SIN3B: variants seen among roughly 807,000 people sequenced by gnomAD.
SIN3B encodes paired amphipathic helix protein Sin3b.
SIN3B carries 19 observed loss-of-function variants against 120.2 expected under a neutral mutation model. The observed-to-expected ratio is 0.16, with a 90% CI of 0.11 to 0.23. The LOEUF is 0.23. Among genes scored for constraint, SIN3B ranks in the 10% least tolerant of loss-of-function variants. The pLI is 1.00. For synonymous variants in SIN3B, 654 were observed against 653.2 expected (o/e 1.00, Z -0.02); for missense variants, 1,073 against 1,573.0 (o/e 0.68, Z 5.38).
intron 3 of SIN3B, among the ~76,000 whole-genome samples, chr19:16,841,048 G>T (rs1056264711): frequency 2.6e-5 from 4 of 152,202 alleles, no homozygotes; most frequent in Non-Finnish European, 4.4e-5. Context: ...GGATGGTGCA[G>T]CATAATTCTG....
At chr19:16,864,861 G>A (rs1971742233) in intron 10 of SIN3B, among the ~76,000 whole-genome samples, 1 of 149,294 alleles carries the variant, frequency 6.7e-6, no homozygotes, top group Non-Finnish European at 1.5e-5. Context: ...TTGAGACAGA[G>A]TTTCACTCTG....
intron 4 of SIN3B, 22 bp downstream of exon 4, chr19:16,841,990 C>G (rs899854736): frequency 1.3e-6 from 2 of 1,595,532 alleles, no homozygotes; most frequent in Non-Finnish European, 1.7e-6. Flanking sequence ...GATTACAATT[C>G]CTTGTGGGTT....
chr19:16,863,625 A>C (rs190417952), intron 9 of SIN3B, 55 bp from the exon 10 acceptor site: 2 of 1,129,624 alleles, frequency 1.8e-6, no homozygotes, highest in Admixed American at 3.4e-5. Flanking sequence ...GGCTAACAGT[A>C]AATCTTGGCT....
At chr19:16,848,782 TG>T (rs1971510111) in intron 5 of SIN3B, among the ~76,000 whole-genome samples, 1 of 152,202 alleles carries the variant, frequency 6.6e-6, no homozygotes, top group African/African-American at 2.4e-5. Flanking sequence ...ATTACAGGTG[TG>T]AGCCACTGCG....
In SIN3B at chr19:16,876,091, G is replaced by A; in HGVS notation, c.2629G>A (p.Val877Met). ...CGTGAGCGATGACGTCTGCCTGAAG[G>A]TGGTGGAGCTCTACCTGAACGAGAA... ...HLVSDDVCLK[V>M]VELYLNEKKR... Residue 877 changes from valine to methionine, a missense_variant, in exon 15 of 19, where the codon GTG becomes ATG. Physicochemically the swap from Val to Met is conservative, Grantham distance 21. Transcript: ENST00000248054. The surrounding 1 kb of genome is among the most constrained non-coding windows in gnomAD (Gnocchi z 7.1). 6.3e-7 allele frequency: 1 copy of A among 1,587,394 alleles called. No homozygotes were observed. The highest frequency in any genetic ancestry group is 8.6e-7 in the Non-Finnish European group (1 of 1,168,030).
At chr19:16,836,205 A>G (rs1185790932) in intron 3 of SIN3B, among the ~76,000 whole-genome samples, 1 of 152,128 alleles carries the variant, frequency 6.6e-6, no homozygotes, top group African/African-American at 2.4e-5. Flanking sequence ...CACCCACCAG[A>G]TGCTTCTAGA....
rs1281132351 is a variant in SIN3B at position 16,835,660 on chromosome 19, C to T, written c.381+4013C>T. Among the ~76,000 whole-genome samples, 6 of 152,216 alleles carry T rather than the reference C, an allele frequency of 3.9e-5. No individual in the cohort carries two copies. The East Asian group carries it at 5.8e-4, about 15-fold the overall frequency. ...TCAGCCTCCCAAGTAGCTGCTATTA[C>T]AGGCATGTGCCACCACACCCAGCTA... On this transcript the variant is annotated intron_variant, in intron 3 of 18. Coordinates refer to ENST00000248054, the MANE Select transcript of SIN3B (RefSeq NM_001297595.2).
intron 3 of SIN3B, among the ~76,000 whole-genome samples, chr19:16,838,118 G>A (rs754009348): frequency 1.3e-5 from 2 of 152,246 alleles, no homozygotes; most frequent in Middle Eastern, 6.8e-3. Flanking sequence ...TCGGCAAATG[G>A]TAGCTTGGAG....
intron 9 of SIN3B, 137 bp from the exon 10 acceptor site, chr19:16,863,543 C>G (rs1599606311): frequency 3.0e-6 from 2 of 675,726 alleles, no homozygotes; most frequent in East Asian, 5.1e-5. Flanking sequence ...ACTTTATGCA[C>G]CTTCCCATTT....
intron 5 of SIN3B, among the ~76,000 whole-genome samples, chr19:16,848,901 G>A (rs891685197): frequency 6.6e-6 from 1 of 152,234 alleles, no homozygotes; most frequent in Non-Finnish European, 1.5e-5. Flanking sequence ...GCCTCCCAAA[G>A]TGTTAGGATT....
intron 14 of SIN3B, among the ~76,000 whole-genome samples, chr19:16,873,191 C>T (rs2051535219): frequency 6.6e-6 from 1 of 152,068 alleles, no homozygotes; most frequent in South Asian, 2.1e-4. Flanking sequence ...CTTTCATGGC[C>T]GTTGGGACAT....
chr19:16,864,937 C>T (rs905595140), intron 10 of SIN3B, among the ~76,000 whole-genome samples: 4 of 151,614 alleles, frequency 2.6e-5, no homozygotes, highest in African/African-American at 9.7e-5. Flanking sequence ...TGGGTTCAAG[C>T]GATTCTCCTG....
At chr19:16,841,267 A>G (rs1221648210) in intron 3 of SIN3B, among the ~76,000 whole-genome samples, 1 of 152,008 alleles carries the variant, frequency 6.6e-6, no homozygotes, top group Non-Finnish European at 1.5e-5. Context: ...CAAAAATGTC[A>G]TGTCCCTTGA....
At chr19:16,860,962 C>G (rs964284568) in intron 8 of SIN3B, among the ~76,000 whole-genome samples, 1 of 152,138 alleles carries the variant, frequency 6.6e-6, no homozygotes, top group African/African-American at 2.4e-5. Flanking sequence ...GTTGCCCAGG[C>G]TGGTCTCAAA....
intron 3 of SIN3B, among the ~76,000 whole-genome samples, chr19:16,832,259 G>A (rs1012211120): frequency 1.3e-4 from 20 of 148,816 alleles, no homozygotes; most frequent in Non-Finnish European, 2.1e-4. Flanking sequence ...GTGCAGTGGC[G>A]CAATCTCAGC....
chr19:16,852,964 C>G, intron 6 of SIN3B, 105 bp from the exon 7 acceptor site: 2 of 899,426 alleles, frequency 2.2e-6, no homozygotes, highest in South Asian at 3.5e-5. Context: ...ATGGCAGTTC[C>G]CAAAGGAGAG....
intron 3 of SIN3B, among the ~76,000 whole-genome samples, chr19:16,834,386 T>C (rs1345823595): frequency 6.6e-6 from 1 of 152,220 alleles, no homozygotes; most frequent in Non-Finnish European, 1.5e-5. Context: ...CTTTCAGGGC[T>C]AGATCTTGAC....
intron 3 of SIN3B, among the ~76,000 whole-genome samples, chr19:16,840,452 C>T (rs536649966): frequency 2.6e-5 from 4 of 152,346 alleles, no homozygotes; most frequent in East Asian, 1.9e-4. Flanking sequence ...GCCTCCAGGC[C>T]TCCAGAACTG....
At chr19:16,829,657 C>A in intron 1 of SIN3B, 117 bp downstream of exon 1, 1 of 1,267,766 alleles carries the variant, frequency 7.9e-7, no homozygotes, top group East Asian at 2.6e-5. Context: ...TCTGCACTGC[C>A]CCGGACCCCT....
Sources: gnomAD v4.1 joint callset for allele counts (sites outside exome capture counted in the v4.1 genomes callset) on GRCh38, gnomAD v4.1.1 for gene constraint, Gnocchi (gnomAD v3.1) non-coding constraint, MANE v1.5 for transcripts, NCBI Gene and HGNC (gene_info 2026-07-23, HGNC 2026-07-21) for gene names.